Variants in GTF2B observed in about 807,000 individuals in gnomAD.
GTF2B encodes general transcription factor IIB.
A neutral mutation model predicts 34.6 loss-of-function variants in GTF2B; 20 were observed. That is an observed-to-expected ratio of 0.58 (90% confidence interval 0.41 to 0.84). The LOEUF is 0.84. Among genes scored for constraint, GTF2B ranks in the 40% least tolerant of loss-of-function variants. The pLI, the probability that GTF2B is intolerant of heterozygous loss-of-function variation, is 0.00. For synonymous variants in GTF2B, 142 were observed against 132.4 expected, an observed-to-expected ratio of 1.07 and a Z score of -0.50; for missense variants, 237 against 393.3, an observed-to-expected ratio of 0.60 and a Z score of 3.36.
At chr1:88,883,070 A>G (rs960158591) in intron 2 of GTF2B, among the ~76,000 whole-genome samples, 1 of 152,264 alleles carries the variant, frequency 6.6e-6, no homozygotes, top group Non-Finnish European at 1.5e-5. Context: ...AAGTATATAA[A>G]GTATATAAAA....
intron 1 of GTF2B, chr1:88,887,631 C>G: frequency 2.6e-6 from 1 of 379,200 alleles, no homozygotes; most frequent in East Asian, 6.3e-5. Context: ...TGTTTCTTCT[C>G]TCAATATGTA....
At chr1:88,884,294 G>C (rs1203885350) in intron 2 of GTF2B, among the ~76,000 whole-genome samples, 2 of 152,164 alleles carry the variant, frequency 1.3e-5, no homozygotes, top group African/African-American at 4.8e-5. Context: ...CGAAAGTGCT[G>C]GGATTACAGG....
intron 2 of GTF2B, among the ~76,000 whole-genome samples, chr1:88,882,297 G>GTCTC (rs2100978591): frequency 7.8e-6 from 1 of 127,630 alleles, no homozygotes; most frequent in East Asian, 2.4e-4. Flanking sequence ...GGGACAGAGG[G>GTCTC]AGACTCTCAC....
chr1:88,860,621 C>A (rs1410517054), intron 3 of GTF2B, among the ~76,000 whole-genome samples: 1 of 151,968 alleles, frequency 6.6e-6, no homozygotes, highest in Non-Finnish European at 1.5e-5. Context: ...TATATCATGA[C>A]CAACTAGAGA....
rs1570741820 is a variant in GTF2B, at chr1:88,891,078, A to G, written c.17+405T>C. Among the ~76,000 whole-genome samples, 5 of 122,130 alleles carry G rather than the reference A, an allele frequency of 4.1e-5. No homozygotes were observed. In the South Asian group the frequency reaches 8.8e-4, roughly 22 times the overall value. The allele number at this position is 122,130 out of a possible 152,430, so 80.1% of individuals were successfully genotyped here. On this transcript the variant is annotated intron_variant, in intron 1 of 6. Transcript: ENST00000370500. ...CCCGTTCCTTTGAAAAGGAGAAATT[A>G]CGGACCCTCGGGTTGTTTGGGCCGT...
At chr1:88,855,359 G>GT (rs750561898) in intron 6 of GTF2B, among the ~76,000 whole-genome samples, 9,065 of 124,106 alleles carry the variant, frequency 0.073, 423 homozygotes, top group African/African-American at 0.11. Flanking sequence ...TTCTGTTTTT[G>GT]TTTTTTTTTT....
intron 3 of GTF2B, among the ~76,000 whole-genome samples, chr1:88,862,320 A>G (rs972054775): frequency 6.6e-6 from 1 of 152,116 alleles, no homozygotes; most frequent in Non-Finnish European, 1.5e-5. Context: ...AGGTGGGTGG[A>G]TCACTTGAGC....
At chr1:88,865,870 A>T (rs1673537262) in intron 2 of GTF2B, among the ~76,000 whole-genome samples, 1 of 148,678 alleles carries the variant, frequency 6.7e-6, no homozygotes, top group African/African-American at 2.6e-5. Flanking sequence ...ACAAACAAAC[A>T]AACAAAAATT....
chr1:88,888,173 C>G (rs896431533), intron 1 of GTF2B: 1 of 152,078 alleles, frequency 6.6e-6, no homozygotes, highest in Non-Finnish European at 1.5e-5. Context: ...ATCTGAAATA[C>G]AATAAATGGT....
Position 88,855,559 on chromosome 1 carries a change from G to A in GTF2B, c.817+1647C>T, listed in dbSNP as rs142795620. On this transcript the variant is annotated intron_variant, in intron 6 of 6. Transcript: ENST00000370500. Reference sequence around the variant, plus strand: ...GTAGAGATGGGGTTTTGCCATGTTGGCCAGGCTGGTCTTGAACTGCTGGCC... The same window carrying A: ...GTAGAGATGGGGTTTTGCCATGTTGACCAGGCTGGTCTTGAACTGCTGGCC... 4.3e-3 allele frequency among the ~76,000 whole-genome samples: 655 copies of A among 152,142 alleles called. 2 individuals carry two copies. Among genetic ancestry groups the A allele is most frequent in the African/African-American group, 0.015 (617 of 41,516 alleles).
Position 88,860,155 on chromosome 1 carries a change from T to A in GTF2B, c.390A>T (p.Leu130=). The A allele has an allele frequency of 1.2e-6, 2 of 1,614,100 alleles. No homozygotes were observed. The highest frequency in any genetic ancestry group is 1.7e-6 in the Non-Finnish European group (2 of 1,179,980). ...EITTMADRIN[L]PRNIVDRTNN... Reference sequence around the variant, plus strand: ...AAGAACTTACAACTATATTTCGAGGTAGATTGATTCTGTCTGCCATGGTAG... The same window carrying A: ...AAGAACTTACAACTATATTTCGAGGAAGATTGATTCTGTCTGCCATGGTAG... Residue 130 remains leucine, a synonymous_variant, in exon 4 of 7, where the codon CTA becomes CTT. Coordinates refer to ENST00000370500, the MANE Select transcript of GTF2B (RefSeq NM_001514.6).
At chr1:88,862,585 T>C (rs1463305905) in intron 3 of GTF2B, among the ~76,000 whole-genome samples, 1 of 152,090 alleles carries the variant, frequency 6.6e-6, no homozygotes, top group Non-Finnish European at 1.5e-5. Flanking sequence ...GGTAAACTCA[T>C]GCCTGTAATC....
At chr1:88,856,272 C>CAAAAAAAACAAA (rs1673303219) in intron 6 of GTF2B, among the ~76,000 whole-genome samples, 1 of 50,040 alleles carries the variant, frequency 2.0e-5, no homozygotes, top group African/African-American at 8.9e-5. Flanking sequence ...GTTTCAAAAA[C>CAAAAAAAACAAA]AAAAAAAAAA....
intron 3 of GTF2B, 116 bp from the exon 4 acceptor site, chr1:88,860,402 G>A (rs1673407396): frequency 1.4e-6 from 1 of 695,724 alleles, no homozygotes; most frequent in East Asian, 2.5e-5. Flanking sequence ...AATCTGAATT[G>A]TGCATCCTGC....
chr1:88,857,691 C>CTTTTTTTTTTTTTTTTTTTT lies in GTF2B; in HGVS notation c.536-205_536-204insAAAAAAAAAAAAAAAAAAAA, dbSNP rs368010048. ...CAGTTAACTTTAATGTTCATCACAC[C>CTTTTTTTTTTTTTTTTTTTT]TTTTTTTTTGAGATGAAGTCTCACT... On this transcript the variant is annotated intron_variant, in intron 5 of 6. Transcript: ENST00000370500. Among the ~76,000 whole-genome samples the CTTTTTTTTTTTTTTTTTTTT allele has an allele frequency of 1.4e-4, 15 of 108,134 alleles. 2 individuals are homozygous for CTTTTTTTTTTTTTTTTTTTT. Among genetic ancestry groups the CTTTTTTTTTTTTTTTTTTTT allele is most frequent in the African/African-American group, 3.2e-4 (9 of 27,888 alleles). 70.9% of individuals were successfully genotyped at this position (108,134 alleles called of 152,430 possible).
chr1:88,873,372 T>C (rs1673744344), intron 2 of GTF2B, among the ~76,000 whole-genome samples: 1 of 151,902 alleles, frequency 6.6e-6, no homozygotes, highest in Admixed American at 6.6e-5. Context: ...AGCTAATTTT[T>C]GTATTTTTAG....
chr1:88,878,560 A>G (rs1468656513), intron 2 of GTF2B, among the ~76,000 whole-genome samples: 2 of 152,308 alleles, frequency 1.3e-5, no homozygotes, highest in South Asian at 2.1e-4. Context: ...GACAATTTGT[A>G]TTTTCCAAAG....
chr1:88,885,429 C>A (rs1366908284), intron 2 of GTF2B, among the ~76,000 whole-genome samples: 2 of 138,744 alleles, frequency 1.4e-5, no homozygotes, highest in African/African-American at 5.4e-5. Flanking sequence ...AACAAAAGGG[C>A]AACAAGAGCG....
chr1:88,863,327 G>T (rs895168215), intron 3 of GTF2B, among the ~76,000 whole-genome samples: 1 of 151,714 alleles, frequency 6.6e-6, no homozygotes, highest in Admixed American at 6.6e-5. Context: ...AAGTGGTATA[G>T]AGAGAAAAGA....
Sources: gnomAD v4.1 joint callset for allele counts (sites outside exome capture counted in the v4.1 genomes callset) on GRCh38, gnomAD v4.1.1 for gene constraint, MANE v1.5 for transcripts, NCBI Gene and HGNC (gene_info 2026-07-23, HGNC 2026-07-21) for gene names.